Variants in STON2 observed in about 807,000 individuals in gnomAD.
STON2 encodes the protein stonin-2.
In STON2, 29 loss-of-function variants were observed where a neutral mutation model predicts 65.7. The observed-to-expected ratio is 0.44, with a 90% CI of 0.33 to 0.60. The LOEUF is 0.60. Ranked by LOEUF, STON2 falls within the 20% of genes least tolerant of loss-of-function variation. STON2 has a pLI of 0.03. For missense variants in STON2, 1,054 were observed against 1,118.1 expected, an observed-to-expected ratio of 0.94 and a Z score of 0.82; for synonymous variants, 404 against 414.2, an observed-to-expected ratio of 0.98 and a Z score of 0.30.
At chr14:81,279,490 A>G (rs1418336141) in intron 5 of STON2, among the ~76,000 whole-genome samples, 12 of 152,210 alleles carry the variant, frequency 7.9e-5, no homozygotes, top group Admixed American at 7.9e-4. Flanking sequence ...GGAATTCGGC[A>G]CCAGCCTGGC....
intron 5 of STON2, among the ~76,000 whole-genome samples, chr14:81,310,326 T>C (rs1000007385): frequency 6.6e-6 from 1 of 152,192 alleles, no homozygotes; most frequent in South Asian, 2.1e-4. Flanking sequence ...GTGATGTGCC[T>C]GCTTGTCATA....
chr14:81,383,447 A>T (rs1180842764), intron 3 of STON2, among the ~76,000 whole-genome samples: 3 of 152,150 alleles, frequency 2.0e-5, no homozygotes, highest in African/African-American at 7.2e-5. Context: ...TGACATCTCC[A>T]TCTGGGTCTC....
chr14:81,373,447 G>A (rs572658228), intron 3 of STON2, among the ~76,000 whole-genome samples: 7 of 152,172 alleles, frequency 4.6e-5, no homozygotes, highest in Admixed American at 6.5e-5. Flanking sequence ...ATAGTATGGT[G>A]GTTAAGATAC....
At chr14:81,300,632 T>C (rs962559104) in intron 5 of STON2, among the ~76,000 whole-genome samples, 3 of 152,228 alleles carry the variant, frequency 2.0e-5, no homozygotes, top group South Asian at 2.1e-4. Context: ...CAAATTAAGC[T>C]ATAATGAGAT....
chr14:81,277,402 TG>T lies in STON2; in HGVS notation c.2079del (p.Thr694GlnfsTer38). Reference sequence around the variant, plus strand: ...CACTCATGGAGCTTGATCCACTTTGTGGTGGTGGTGGGCATGATGTCCTGCC... The same window carrying T: ...CACTCATGGAGCTTGATCCACTTTGTGTGGTGGTGGGCATGATGTCCTGCC... ...VLRQDIMPTT[T>X]TKWIKLHECR... is the part of the protein sequence containing the mutation. On this transcript the variant is annotated frameshift_variant, in exon 6 of 8. Transcript: ENST00000614646. LOFTEE classifies it high-confidence loss of function. 1 of 1,612,370 alleles carries T rather than the reference TG, an allele frequency of 6.2e-7. No homozygotes were observed. The highest frequency in any genetic ancestry group is 8.5e-7 in the Non-Finnish European group (1 of 1,178,566).
chr14:81,283,837 A>AC (rs2140138089), intron 5 of STON2, among the ~76,000 whole-genome samples: 1 of 152,262 alleles, frequency 6.6e-6, no homozygotes, highest in South Asian at 2.1e-4. Context: ...CAGATACTGC[A>AC]TTTTTTATGA....
At chr14:81,298,269 T>C (rs1895838345) in intron 5 of STON2, among the ~76,000 whole-genome samples, 1 of 152,004 alleles carries the variant, frequency 6.6e-6, no homozygotes. Flanking sequence ...GATAATGACT[T>C]CCTGTTCCAC....
At chr14:81,302,174 C>T (rs2140185573) in intron 5 of STON2, among the ~76,000 whole-genome samples, 1 of 152,296 alleles carries the variant, frequency 6.6e-6, no homozygotes, top group Non-Finnish European at 1.5e-5. Context: ...TGTAAGCATG[C>T]ACCATATCAG....
At chr14:81,315,200 A>T (rs988053183) in intron 5 of STON2, among the ~76,000 whole-genome samples, 9 of 152,214 alleles carry the variant, frequency 5.9e-5, no homozygotes, top group Non-Finnish European at 1.2e-4. Context: ...TAATAGTAAG[A>T]GAAAGTTTTT....
chr14:81,332,315 G>A (rs984426734), intron 4 of STON2, among the ~76,000 whole-genome samples: 8 of 152,150 alleles, frequency 5.3e-5, no homozygotes, highest in South Asian at 2.1e-4. Flanking sequence ...AGTCACATTC[G>A]CATTTTAAAA....
chr14:81,292,108 C>T (rs1895581339), intron 5 of STON2, among the ~76,000 whole-genome samples: 1 of 152,194 alleles, frequency 6.6e-6, no homozygotes, highest in Non-Finnish European at 1.5e-5. Flanking sequence ...TAGGCTTTGC[C>T]TGTTGCTTGG....
intron 4 of STON2, among the ~76,000 whole-genome samples, chr14:81,362,969 T>C (rs1050088224): frequency 1.3e-5 from 2 of 152,134 alleles, no homozygotes; most frequent in Non-Finnish European, 2.9e-5. Context: ...GGTTTGTATA[T>C]TGCTCCTGAG....
intron 4 of STON2, among the ~76,000 whole-genome samples, chr14:81,369,326 T>C (rs1175596956): frequency 6.6e-6 from 1 of 152,056 alleles, no homozygotes; most frequent in Non-Finnish European, 1.5e-5. Flanking sequence ...ATGTTAAAAA[T>C]AATTATAAGC....
At chr14:81,420,217 C>T (rs1901637151) in intron 2 of STON2, among the ~76,000 whole-genome samples, 1 of 152,306 alleles carries the variant, frequency 6.6e-6, no homozygotes, top group Non-Finnish European at 1.5e-5. Flanking sequence ...GGCCCAGAGA[C>T]AGGTAGGGCT....
At chr14:81,315,107 T>C (rs1209237313) in intron 5 of STON2, among the ~76,000 whole-genome samples, 2 of 152,218 alleles carry the variant, frequency 1.3e-5, no homozygotes, top group Non-Finnish European at 2.9e-5. Context: ...GAGGAAAACC[T>C]ACATTCTGGT....
intron 6 of STON2, among the ~76,000 whole-genome samples, chr14:81,276,538 T>A (rs1894825747): frequency 6.6e-6 from 1 of 152,200 alleles, no homozygotes; most frequent in Non-Finnish European, 1.5e-5. Context: ...GAGAAAGATG[T>A]CTCTTCAGAA....
intron 5 of STON2, among the ~76,000 whole-genome samples, chr14:81,321,942 GT>G (rs1342010230): frequency 6.6e-6 from 1 of 152,206 alleles, no homozygotes; most frequent in East Asian, 1.9e-4. Context: ...CCAGGTGGAG[GT>G]TAGGGGGTGG....
intron 4 of STON2, among the ~76,000 whole-genome samples, chr14:81,328,877 C>G (rs1897097887): frequency 6.6e-6 from 1 of 152,166 alleles, no homozygotes; most frequent in Non-Finnish European, 1.5e-5. Flanking sequence ...TTGTGCTTCC[C>G]ACCATGAGTG....
intron 3 of STON2, among the ~76,000 whole-genome samples, chr14:81,378,037 G>C (rs139914411): frequency 8.8e-4 from 134 of 152,124 alleles, no homozygotes; most frequent in African/African-American, 2.8e-3. Flanking sequence ...AGTAGAGACG[G>C]AGTTTCACCA....
Sources: allele counts gnomAD v4.1 joint callset (sites outside exome capture counted in the v4.1 genomes callset), GRCh38; gene constraint gnomAD v4.1.1; transcripts MANE v1.5; gene names NCBI Gene and HGNC (gene_info 2026-07-23, HGNC 2026-07-21).